ARID1B: variants seen among roughly 807,000 people sequenced by gnomAD.
ARID1B encodes the protein AT-rich interactive domain-containing protein 1B.
A neutral mutation model predicts 212.3 loss-of-function variants in ARID1B; 30 were observed. That is an observed-to-expected ratio of 0.14 (90% CI 0.11 to 0.19). ARID1B has a LOEUF of 0.19. ARID1B is among the 10% of genes least tolerant of loss of function. ARID1B has a pLI of 1.00. For missense variants in ARID1B, 2,891 were observed against 3,204.0 expected (o/e 0.90, Z 2.36); for synonymous variants, 1,402 against 1,301.7 (o/e 1.08, Z -1.66).
intron 5 of ARID1B, among the ~76,000 whole-genome samples, chr6:157,109,832 A>C (rs1360212078): frequency 6.6e-6 from 1 of 152,242 alleles, no homozygotes; most frequent in African/African-American, 2.4e-5. Context: ...TATATTTGGA[A>C]AAGACAAACT....
chr6:157,049,646 G>T (rs887921897), intron 4 of ARID1B, among the ~76,000 whole-genome samples: 6 of 152,026 alleles, frequency 3.9e-5, no homozygotes, highest in African/African-American at 1.2e-4. Context: ...TGAGGAAGAG[G>T]GGAGGTGAAG....
rs1554287391 is a variant in ARID1B, at chr6:157,039,882, T to TTTTCCTTCCTTC, written c.2248-44780_2248-44779insTTTCCTTCCTTC. Among the ~76,000 whole-genome samples, 304 of 67,274 alleles carry TTTTCCTTCCTTC rather than the reference T, an allele frequency of 4.5e-3. 5 individuals are homozygous for TTTTCCTTCCTTC. The highest frequency in any genetic ancestry group is 0.016 in the African/African-American group (292 of 18,438). 44.1% of individuals were successfully genotyped at this position (67,274 alleles called of 152,430 possible). ...TTTCTCTCTCTTTCTCTTTCTTTTC[T>TTTTCCTTCCTTC]CTTCCTTCCTTCCTTCCTTCCTTCC... On this transcript the variant is annotated intron_variant, in intron 4 of 19. Transcript: ENST00000636930.
intron 1 of ARID1B, among the ~76,000 whole-genome samples, chr6:156,827,032 T>A (rs1398279024): frequency 2.6e-5 from 4 of 152,206 alleles, no homozygotes; most frequent in Admixed American, 6.5e-5. Flanking sequence ...AATTCATCAA[T>A]TAATGTGCTG....
chr6:157,008,713 C>A (rs1337540346), intron 4 of ARID1B, among the ~76,000 whole-genome samples: 1 of 152,058 alleles, frequency 6.6e-6, no homozygotes, highest in Admixed American at 6.6e-5. Flanking sequence ...GTATTGATAC[C>A]CATCTCTCTG....
At chr6:157,113,000 C>T (rs1483857313) in intron 6 of ARID1B, among the ~76,000 whole-genome samples, 1 of 151,566 alleles carries the variant, frequency 6.6e-6, no homozygotes, top group Admixed American at 6.6e-5. Context: ...CAGCTCACTG[C>T]AACCTCTGCC....
chr6:157,195,369 A>C (rs1033279305), intron 15 of ARID1B: 1 of 152,094 alleles, frequency 6.6e-6, no homozygotes, highest in African/African-American at 2.4e-5. Context: ...TCTTCTGCCC[A>C]CCTTCCCTAA....
In ARID1B at chr6:157,207,549, G is replaced by A. The variant is rs770890026; in HGVS notation, c.6777G>A (p.Ser2259=). The A allele has an allele frequency of 1.4e-5, 22 of 1,613,956 alleles. No homozygotes were observed. The highest frequency in any genetic ancestry group is 3.3e-5 in the South Asian group (3 of 91,074). The change falls in exon 20 of 20, where the codon TCG becomes TCA. Residue 2259 remains serine (S), a synonymous_variant. Transcript: ENST00000636930. This position sits in a 1 kb window ranked among gnomAD's most constrained non-coding sequence, Gnocchi z 8.5. The part of the protein sequence containing the change: ...VCREMSMALL[S]NLAQGDALAA... ...GAGAAATGTCCATGGCGCTTTTATCGAACCTTGCCCAAGGGGACGCACTAG... is the reference window on the plus strand; with the variant it reads ...GAGAAATGTCCATGGCGCTTTTATCAAACCTTGCCCAAGGGGACGCACTAG...
intron 2 of ARID1B, among the ~76,000 whole-genome samples, chr6:156,893,060 T>TTTTTTTTTTTTTTTTTTTTG (rs1268821728): frequency 8.7e-5 from 12 of 137,700 alleles, no homozygotes; most frequent in Non-Finnish European, 1.1e-4. Context: ...TTTTTTTTTT[T>TTTTTTTTTTTTTTTTTTTTG]GAGATGGAGT....
intron 12 of ARID1B, among the ~76,000 whole-genome samples, chr6:157,181,476 C>G (rs1275181575): frequency 1.3e-5 from 2 of 152,194 alleles, no homozygotes; most frequent in African/African-American, 4.8e-5. Context: ...CCAGAATTCT[C>G]TGGAATCTGC....
At chr6:156,849,056 A>G (rs1004285228) in intron 2 of ARID1B, among the ~76,000 whole-genome samples, 3 of 152,216 alleles carry the variant, frequency 2.0e-5, no homozygotes, top group East Asian at 1.9e-4. Flanking sequence ...CTGGAGAAAC[A>G]TATTTATTAA....
chr6:156,812,978 A>ATATACATACGTATG (rs1562404111), intron 1 of ARID1B, among the ~76,000 whole-genome samples: 2 of 119,876 alleles, frequency 1.7e-5, no homozygotes, highest in African/African-American at 3.4e-5. Flanking sequence ...GTGTGTGTGT[A>ATATACATACGTATG]TGTATATACA....
chr6:156,786,665 G>C (rs1305602629), intron 1 of ARID1B, among the ~76,000 whole-genome samples: 1 of 152,136 alleles, frequency 6.6e-6, no homozygotes, highest in Non-Finnish European at 1.5e-5. Context: ...TTTAGCATTT[G>C]TGTATGCAGT....
chr6:157,126,523 C>T (rs763460094), intron 6 of ARID1B, among the ~76,000 whole-genome samples: 13 of 152,026 alleles, frequency 8.6e-5, no homozygotes, highest in Non-Finnish European at 1.9e-4. Flanking sequence ...AGTACAAGTT[C>T]GGTGACTGTA....
chr6:157,102,647 C>CT (rs1228937550), intron 5 of ARID1B, among the ~76,000 whole-genome samples: 1 of 113,654 alleles, frequency 8.8e-6, no homozygotes, highest in Non-Finnish European at 1.6e-5. Context: ...GAGTCTTGCT[C>CT]TGTCACCCAG....
chr6:157,206,269 G>A lies in ARID1B; in HGVS notation c.5497G>A (p.Ala1833Thr). 6.2e-7 allele frequency: 1 copy of A among 1,614,190 alleles called. No individual in the cohort carries two copies. Among genetic ancestry groups the A allele is most frequent in the Non-Finnish European group, 8.5e-7 (1 of 1,180,044 alleles). The change falls in exon 20 of 20, where the codon GCA becomes ACA. Residue 1833 changes from alanine to threonine, a missense_variant. Ala to Thr is a moderately conservative substitution (Grantham distance 58, BLOSUM62 0). This residue lies in a region of ARID1B where 332 missense variants were observed against 369.2 expected (regional missense o/e 0.90). Transcript: ENST00000636930. This position sits in a 1 kb window ranked among gnomAD's most constrained non-coding sequence, Gnocchi z 6.8. The stretch of plus-strand genomic sequence containing the variant: ...TGAAGTGGGAGACCCCAGCCAAAAA[G>A]CACTTGATCACAACGCAGCAAGGAA... The part of the protein sequence containing the change: ...EYEVGDPSQK[A>T]LDHNAARKDD...
intron 1 of ARID1B, among the ~76,000 whole-genome samples, chr6:156,815,929 C>A (rs1239617237): frequency 1.3e-5 from 2 of 152,114 alleles, no homozygotes; most frequent in Non-Finnish European, 2.9e-5. Flanking sequence ...AAAAACATTG[C>A]CCAGGCAGGT....
intron 4 of ARID1B, among the ~76,000 whole-genome samples, chr6:156,986,116 G>A (rs1777902948): frequency 6.6e-6 from 1 of 152,158 alleles, no homozygotes; most frequent in Admixed American, 6.5e-5. Context: ...GATCTAGGGA[G>A]GATCTCTAGC....
intron 8 of ARID1B, among the ~76,000 whole-genome samples, chr6:157,156,992 T>C (rs764672133): frequency 3.3e-5 from 5 of 152,164 alleles, no homozygotes; most frequent in Non-Finnish European, 5.9e-5. Context: ...GCAGAGTGTG[T>C]CTTCCTAAAT....
intron 1 of ARID1B, among the ~76,000 whole-genome samples, chr6:156,802,919 T>C (rs944931204): frequency 6.6e-6 from 1 of 152,210 alleles, no homozygotes; most frequent in African/African-American, 2.4e-5. Flanking sequence ...TTCACAGTTT[T>C]ATTATAACTA....
Sources: allele counts gnomAD v4.1 joint callset (sites outside exome capture counted in the v4.1 genomes callset), GRCh38; gene constraint gnomAD v4.1.1; regional missense constraint gnomAD v4.1.1; non-coding constraint Gnocchi (gnomAD v3.1); transcripts MANE v1.5; gene names NCBI Gene and HGNC (gene_info 2026-07-23, HGNC 2026-07-21).